Variants in SLC25A24 observed in about 807,000 individuals in gnomAD.
The protein encoded by SLC25A24 is solute carrier family 25 member 24.
SLC25A24 carries 49 observed loss-of-function variants against 60.7 expected under a neutral mutation model. The ratio of observed to expected loss-of-function variants is 0.81; its 90% CI spans 0.64 to 1.02. SLC25A24 has a LOEUF of 1.02. SLC25A24 is among the 50% of genes least tolerant of loss of function. The pLI, the probability that SLC25A24 is intolerant of heterozygous loss-of-function variation, is 0.00. For synonymous variants in SLC25A24, 202 were observed against 200.6 expected (o/e 1.01, Z -0.06); for missense variants, 564 against 586.3 (o/e 0.96, Z 0.39).
chr1:108,188,554 T>C (rs1037969940), intron 1 of SLC25A24, among the ~76,000 whole-genome samples: 7 of 152,228 alleles, frequency 4.6e-5, no homozygotes, highest in African/African-American at 7.2e-5. Context: ...AAGAGGTTTA[T>C]ATTTTGGCCA....
chr1:108,158,279 T>C (rs1456194234), intron 4 of SLC25A24, among the ~76,000 whole-genome samples: 1 of 152,200 alleles, frequency 6.6e-6, no homozygotes, highest in Non-Finnish European at 1.5e-5. Context: ...TACTATAGTT[T>C]GAGAGAAACA....
intron 6 of SLC25A24, among the ~76,000 whole-genome samples, chr1:108,149,515 G>C (rs1219583797): frequency 6.6e-6 from 1 of 152,166 alleles, no homozygotes; most frequent in African/African-American, 2.4e-5. Context: ...GTGCAGGTCT[G>C]AACACCTAGC....
rs528981567 is a variant in SLC25A24 at position 108,134,758 on chromosome 1, T to C, written c.*1895A>G. 3.9e-5 allele frequency: 6 copies of C among 152,136 alleles called. No homozygotes were observed. The highest frequency in any genetic ancestry group is 9.6e-5 in the African/African-American group (4 of 41,524). The allele number at this position is 152,136 out of a possible 1,614,324, so 9.4% of individuals were successfully genotyped here. Reference sequence around the variant, plus strand: ...TTTTGCTTTATTTATAATTTTTTTTTTTCAATTAGGAAACTGAGACTTAAG... The same window carrying C: ...TTTTGCTTTATTTATAATTTTTTTTCTTCAATTAGGAAACTGAGACTTAAG... On this transcript the variant is annotated 3_prime_UTR_variant, in exon 10 of 10. Transcript: ENST00000565488.
chr1:108,175,129 A>G (rs1647624470), intron 3 of SLC25A24, among the ~76,000 whole-genome samples: 2 of 152,118 alleles, frequency 1.3e-5, no homozygotes, highest in Admixed American at 1.3e-4. Context: ...GGCAAAAATG[A>G]TATGGTTTGG....
At chr1:108,168,249 A>G (rs1365448795) in intron 3 of SLC25A24, among the ~76,000 whole-genome samples, 4 of 152,216 alleles carry the variant, frequency 2.6e-5, no homozygotes, top group Admixed American at 1.3e-4. Flanking sequence ...GCACAGAGGT[A>G]TATCTGCATG....
At chr1:108,186,914 C>T (rs1336923556) in intron 1 of SLC25A24, among the ~76,000 whole-genome samples, 2 of 151,888 alleles carry the variant, frequency 1.3e-5, no homozygotes, top group African/African-American at 4.8e-5. Flanking sequence ...CCCATCTCTA[C>T]TAAAAATACA....
intron 4 of SLC25A24, among the ~76,000 whole-genome samples, chr1:108,160,117 G>A (rs1249774723): frequency 8.6e-5 from 13 of 151,892 alleles, no homozygotes; most frequent in Non-Finnish European, 1.5e-4. Flanking sequence ...CCTCCCTCCC[G>A]GACAGGGTGG....
At chr1:108,150,941 C>T (rs974926605) in intron 6 of SLC25A24, among the ~76,000 whole-genome samples, 2 of 135,902 alleles carry the variant, frequency 1.5e-5, no homozygotes, top group African/African-American at 2.8e-5. Flanking sequence ...TGGCTCACTC[C>T]TGCAATCCCA....
chr1:108,159,610 C>CG (rs973053808), intron 4 of SLC25A24, among the ~76,000 whole-genome samples: 8 of 151,484 alleles, frequency 5.3e-5, no homozygotes, highest in African/African-American at 1.9e-4. Flanking sequence ...GAGGACCCTG[C>CG]GGCCTTCCGC....
At chr1:108,179,111 G>A (rs1647817910) in intron 3 of SLC25A24, among the ~76,000 whole-genome samples, 1 of 129,428 alleles carries the variant, frequency 7.7e-6, no homozygotes. Context: ...CATACAAATG[G>A]CCAAAAAGTA....
intron 1 of SLC25A24, among the ~76,000 whole-genome samples, chr1:108,195,888 T>G (rs1167996240): frequency 6.6e-6 from 1 of 151,844 alleles, no homozygotes; most frequent in East Asian, 1.9e-4. Flanking sequence ...TAATCTCAGC[T>G]GCTTGGGAGG....
chr1:108,141,387 G>T (rs1435266405), intron 8 of SLC25A24, among the ~76,000 whole-genome samples: 2 of 152,136 alleles, frequency 1.3e-5, no homozygotes, highest in African/African-American at 4.8e-5. Flanking sequence ...GGAGAAATTG[G>T]AATCTTGGTG....
chr1:108,155,262 A>G, intron 5 of SLC25A24, 127 bp from the exon 6 acceptor site: 1 of 848,284 alleles, frequency 1.2e-6, no homozygotes, highest in Non-Finnish European at 1.7e-6. Context: ...AATAAAATAT[A>G]GAAAGGTTGA....
intron 9 of SLC25A24, 81 bp downstream of exon 9, chr1:108,138,977 A>AC (rs1679367993): frequency 1.5e-6 from 2 of 1,329,378 alleles, no homozygotes; most frequent in Non-Finnish European, 2.0e-6. Context: ...TACAGTCTGC[A>AC]TCTTAGTAGA....
intron 3 of SLC25A24, among the ~76,000 whole-genome samples, chr1:108,163,701 T>C (rs1680159982): frequency 6.6e-6 from 1 of 151,364 alleles, no homozygotes; most frequent in Non-Finnish European, 1.5e-5. Flanking sequence ...GCTGAGACAA[T>C]GGGGTTTTCT....
At chr1:108,196,582 A>C (rs1263190331) in intron 1 of SLC25A24, among the ~76,000 whole-genome samples, 1 of 152,214 alleles carries the variant, frequency 6.6e-6, no homozygotes, top group East Asian at 1.9e-4. Context: ...CTGCTATGAC[A>C]AAAATACTAT....
chr1:108,195,949 G>A (rs553621759), intron 1 of SLC25A24, among the ~76,000 whole-genome samples: 9 of 150,408 alleles, frequency 6.0e-5, no homozygotes, highest in Non-Finnish European at 1.3e-4. Flanking sequence ...GCAGTGAGCC[G>A]AGATCGCACC....
At chr1:108,178,781 T>C (rs1463872458) in intron 3 of SLC25A24, among the ~76,000 whole-genome samples, 1 of 151,336 alleles carries the variant, frequency 6.6e-6, no homozygotes, top group Non-Finnish European at 1.5e-5. Context: ...GCCACAGCAC[T>C]CAAGCTCGAG....
chr1:108,159,805 C>T (rs1220467098), intron 4 of SLC25A24, among the ~76,000 whole-genome samples: 1 of 151,482 alleles, frequency 6.6e-6, no homozygotes, highest in Non-Finnish European at 1.5e-5. Flanking sequence ...TCAACAGGAT[C>T]CCAAGGCAGA....
Sources: allele counts gnomAD v4.1 joint callset (sites outside exome capture counted in the v4.1 genomes callset), GRCh38; gene constraint gnomAD v4.1.1; transcripts MANE v1.5; gene names NCBI Gene and HGNC (gene_info 2026-07-23, HGNC 2026-07-21).